The following PARD3B variants were observed in gnomAD, a reference collection of about 807,000 sequenced individuals.
PARD3B encodes partitioning defective 3 homolog B.
Under a neutral mutation model 130.2 loss-of-function variants are expected in PARD3B, and 103 were observed. The observed-to-expected ratio is 0.79, with a 90% CI of 0.67 to 0.93. PARD3B has a LOEUF of 0.93. Among genes scored for constraint, PARD3B ranks in the 40% least tolerant of loss-of-function variants. The probability of loss-of-function intolerance (pLI) is 0.00; values close to 1 mark genes in which losing one functional copy is unlikely to be tolerated. For synonymous variants in PARD3B, 583 were observed against 553.2 expected, an observed-to-expected ratio of 1.05 and a Z score of -0.76; for missense variants, 1,609 against 1,499.2, an observed-to-expected ratio of 1.07 and a Z score of -1.21.
At chr2:205,150,787 T>C (rs2033700383) in intron 10 of PARD3B, among the ~76,000 whole-genome samples, 1 of 152,146 alleles carries the variant, frequency 6.6e-6, no homozygotes, top group Admixed American at 6.6e-5. Flanking sequence ...TACAGTATAG[T>C]ATGGCAGTGA....
intron 1 of PARD3B, among the ~76,000 whole-genome samples, chr2:204,633,393 A>G (rs553906357): frequency 6.6e-6 from 1 of 152,206 alleles, no homozygotes; most frequent in Non-Finnish European, 1.5e-5. Flanking sequence ...ATATTTCTGT[A>G]TGTATCGCTA....
intron 3 of PARD3B, among the ~76,000 whole-genome samples, chr2:204,984,020 G>A (rs1055100056): frequency 6.6e-6 from 1 of 151,810 alleles, no homozygotes; most frequent in Non-Finnish European, 1.5e-5. Context: ...CATTTCTCCT[G>A]TTCATCTGTT....
intron 21 of PARD3B, 98 bp from the exon 22 acceptor site, chr2:205,553,226 A>G: frequency 9.0e-7 from 1 of 1,109,242 alleles, no homozygotes; most frequent in Non-Finnish European, 1.3e-6. Flanking sequence ...TTTGGCAGGC[A>G]GTAACAGCAT....
At chr2:205,595,947 T>A (rs944654612) in intron 22 of PARD3B, among the ~76,000 whole-genome samples, 7 of 151,640 alleles carry the variant, frequency 4.6e-5, no homozygotes, top group Admixed American at 4.6e-4. Context: ...GAAGAAGTAA[T>A]GATGAGAGCA....
At chr2:204,975,641 TTGA>T (rs1692078243) in intron 3 of PARD3B, among the ~76,000 whole-genome samples, 1 of 152,358 alleles carries the variant, frequency 6.6e-6, no homozygotes. Flanking sequence ...TGGAAACCCA[TTGA>T]TGATCTTTTC....
intron 2 of PARD3B, among the ~76,000 whole-genome samples, chr2:204,951,772 C>T (rs1031078111): frequency 6.6e-6 from 1 of 152,144 alleles, no homozygotes; most frequent in East Asian, 1.9e-4. Flanking sequence ...AGAAAGCAAG[C>T]AGTCATCAGG....
intron 1 of PARD3B, among the ~76,000 whole-genome samples, chr2:204,569,820 G>A (rs546483100): frequency 6.6e-6 from 1 of 152,330 alleles, no homozygotes; most frequent in South Asian, 2.1e-4. Context: ...AAAAAGTGGG[G>A]AGATGATGCT....
chr2:204,646,006 C>G (rs2035258123), intron 1 of PARD3B, among the ~76,000 whole-genome samples: 1 of 152,030 alleles, frequency 6.6e-6, no homozygotes, highest in South Asian at 2.1e-4. Flanking sequence ...TCCTTCTTGT[C>G]TAAGGATGCT....
intron 1 of PARD3B, among the ~76,000 whole-genome samples, chr2:204,565,598 C>T (rs1173267587): frequency 6.6e-6 from 1 of 152,190 alleles, no homozygotes; most frequent in African/African-American, 2.4e-5. Context: ...CTATCAAGCT[C>T]ACAGTGGTGG....
At chr2:205,605,577 A>T (rs2054961607) in intron 22 of PARD3B, among the ~76,000 whole-genome samples, 1 of 152,072 alleles carries the variant, frequency 6.6e-6, no homozygotes, top group African/African-American at 2.4e-5. Context: ...TGGAAGTATC[A>T]CCAGTGGAGG....
intron 4 of PARD3B, among the ~76,000 whole-genome samples, chr2:205,083,695 G>T (rs574111777): frequency 6.7e-6 from 1 of 149,562 alleles, no homozygotes; most frequent in Non-Finnish European, 1.5e-5. Context: ...TTATTTCTTT[G>T]TTTTTTATAT....
chr2:204,679,226 T>C (rs1446178085), intron 1 of PARD3B, among the ~76,000 whole-genome samples: 1 of 152,222 alleles, frequency 6.6e-6, no homozygotes, highest in East Asian at 1.9e-4. Context: ...TCCAGATTTT[T>C]AGGTATTAAA....
intron 1 of PARD3B, among the ~76,000 whole-genome samples, chr2:204,556,184 A>G (rs2030910637): frequency 6.6e-6 from 1 of 152,192 alleles, no homozygotes; most frequent in African/African-American, 2.4e-5. Flanking sequence ...ATTACAAACT[A>G]TCACCAAAAT....
intron 15 of PARD3B, among the ~76,000 whole-genome samples, chr2:205,197,347 G>A (rs548245957): frequency 2.0e-5 from 3 of 151,840 alleles, no homozygotes; most frequent in Non-Finnish European, 2.9e-5. Flanking sequence ...TTAAATCTTC[G>A]ATTCTTTTTC....
chr2:205,452,722 G>A lies in PARD3B; in HGVS notation c.3044+12050G>A, dbSNP rs142303684. On this transcript the variant is annotated intron_variant, in intron 20 of 22. Transcript: ENST00000406610. ...CCCGTCGTCTGAGAGCCCTACCCTT[G>A]GGACTATACTAGTTATATCTGCCTA... 2.8e-3 allele frequency among the ~76,000 whole-genome samples: 432 copies of A among 152,138 alleles called. 1 individual carries two copies. The highest frequency in any genetic ancestry group is 9.4e-3 in the African/African-American group (389 of 41,506).
At chr2:205,336,418 G>A (rs999324140) in intron 18 of PARD3B, among the ~76,000 whole-genome samples, 1 of 152,150 alleles carries the variant, frequency 6.6e-6, no homozygotes, top group Non-Finnish European at 1.5e-5. Context: ...TTCCCCAGGG[G>A]CAACATTTAT....
Position 204,753,110 on chromosome 2 carries a change from A to C in PARD3B, c.222+66828A>C, listed in dbSNP as rs114567018. Among the ~76,000 whole-genome samples the C allele has an allele frequency of 8.3e-3, 1,263 of 152,312 alleles. 19 individuals carry two copies. The highest frequency in any genetic ancestry group is 0.029 in the African/African-American group (1,203 of 41,572). The stretch of plus-strand genomic sequence containing the variant: ...AGACAGAAGGTGTAATGTAAAACAC[A>C]GTTTTGTCAAAACACTCAGACCATT... On this transcript the variant is annotated intron_variant, in intron 2 of 22. Transcript: ENST00000406610.
chr2:205,596,829 A>G (rs1382962800), intron 22 of PARD3B, among the ~76,000 whole-genome samples: 1 of 152,110 alleles, frequency 6.6e-6, no homozygotes, highest in East Asian at 1.9e-4. Flanking sequence ...AGGGGTACCA[A>G]AAAGCCCAGG....
At chr2:205,363,757 C>T (rs982280387) in intron 18 of PARD3B, among the ~76,000 whole-genome samples, 1 of 151,800 alleles carries the variant, frequency 6.6e-6, no homozygotes, top group Non-Finnish European at 1.5e-5. Context: ...CTCCGCCTCC[C>T]GGGTTCAAGC....
Sources: allele counts gnomAD v4.1 joint callset (sites outside exome capture counted in the v4.1 genomes callset), GRCh38; gene constraint gnomAD v4.1.1; transcripts MANE v1.5; gene names NCBI Gene and HGNC (gene_info 2026-07-23, HGNC 2026-07-21).